Variants in GRM7 observed in about 807,000 individuals in gnomAD.
The protein encoded by GRM7 is glutamate metabotropic receptor 7.
Under a neutral mutation model 84.5 loss-of-function variants are expected in GRM7, and 35 were observed. The ratio of observed to expected loss-of-function variants is 0.41; its 90% CI spans 0.32 to 0.55. The LOEUF (loss-of-function observed/expected upper bound fraction) is 0.55, where lower values mean the gene tolerates loss of function less well. Among genes scored for constraint, GRM7 ranks in the 20% least tolerant of loss-of-function variants. The pLI, the probability that GRM7 is intolerant of heterozygous loss-of-function variation, is 0.19. For synonymous variants in GRM7, 487 were observed against 455.1 expected, an observed-to-expected ratio of 1.07 and a Z score of -0.89; for missense variants, 1,003 against 1,194.6, an observed-to-expected ratio of 0.84 and a Z score of 2.36.
At chr3:7,489,848 C>T (rs973217883) in intron 7 of GRM7, among the ~76,000 whole-genome samples, 1 of 151,642 alleles carries the variant, frequency 6.6e-6, no homozygotes. Context: ...CAGCAGAAAA[C>T]AGCATATTAT....
chr3:7,714,183 A>G (rs1445728926), intron 9 of GRM7, among the ~76,000 whole-genome samples: 2 of 152,180 alleles, frequency 1.3e-5, no homozygotes, highest in African/African-American at 4.8e-5. Context: ...ATTAACCTGA[A>G]GGCTTTATTA....
chr3:7,059,425 A>AT (rs1350589213), intron 1 of GRM7, among the ~76,000 whole-genome samples: 1 of 151,808 alleles, frequency 6.6e-6, no homozygotes, highest in African/African-American at 2.4e-5. Flanking sequence ...AAAAGTTTCT[A>AT]TTCAATACTT....
At chr3:7,681,612 G>A (rs993247794) in intron 9 of GRM7, 1 of 152,196 alleles carries the variant, frequency 6.6e-6, no homozygotes, top group African/African-American at 2.4e-5. Context: ...TGAGAAGGGA[G>A]GAACAGAATG....
chr3:7,562,600 G>C (rs1301124625), intron 7 of GRM7, among the ~76,000 whole-genome samples: 1 of 152,062 alleles, frequency 6.6e-6, no homozygotes, highest in Admixed American at 6.6e-5. Context: ...GTTGATGCTA[G>C]AATCCCAACC....
chr3:7,416,476 G>A (rs1345668431), intron 5 of GRM7, among the ~76,000 whole-genome samples: 1 of 152,118 alleles, frequency 6.6e-6, no homozygotes, highest in Non-Finnish European at 1.5e-5. Flanking sequence ...TCACCCACAT[G>A]TTGTAGATTA....
chr3:7,250,597 C>T (rs1697946658), intron 2 of GRM7, among the ~76,000 whole-genome samples: 1 of 140,178 alleles, frequency 7.1e-6, no homozygotes, highest in African/African-American at 2.7e-5. Context: ...GATCTTGGCT[C>T]ACTGTAACCG....
intron 1 of GRM7, among the ~76,000 whole-genome samples, chr3:7,100,623 G>T (rs1053846260): frequency 1.6e-4 from 24 of 151,622 alleles, no homozygotes; most frequent in Non-Finnish European, 3.4e-4. Flanking sequence ...TTGGAAATGC[G>T]ACTTTTCTTA....
intron 4 of GRM7, among the ~76,000 whole-genome samples, chr3:7,411,570 G>A (rs1695937678): frequency 6.6e-6 from 1 of 152,126 alleles, no homozygotes. Context: ...ATTAAACAAT[G>A]TGGCTTATTT....
At chr3:7,316,168 G>A (rs936942237) in intron 4 of GRM7, among the ~76,000 whole-genome samples, 10 of 152,066 alleles carry the variant, frequency 6.6e-5, no homozygotes, top group South Asian at 4.2e-4. Context: ...CTGGTGAGCC[G>A]GAGCACAGTG....
chr3:7,465,560 T>G (rs1387313086), intron 7 of GRM7, among the ~76,000 whole-genome samples: 3 of 152,292 alleles, frequency 2.0e-5, no homozygotes, highest in African/African-American at 7.2e-5. Context: ...GAAGTTCCTT[T>G]TGCTGTAATT....
intron 7 of GRM7, chr3:7,535,105 GTCTTTT>G (rs1701192759): frequency 6.6e-6 from 1 of 152,078 alleles, no homozygotes; most frequent in Non-Finnish European, 1.5e-5. Flanking sequence ...CTTCCTATGT[GTCTTTT>G]TAAAGTGGGA....
intron 1 of GRM7, among the ~76,000 whole-genome samples, chr3:6,963,999 A>G (rs948890866): frequency 6.6e-6 from 1 of 152,192 alleles, no homozygotes; most frequent in Non-Finnish European, 1.5e-5. Context: ...AAGACCATCT[A>G]CATTTGCTGC....
rs147814903 is a variant in GRM7 at position 7,188,785 on chromosome 3, C to T, written c.736+42117C>T. ...CAATTTTGAGATTCAGCCTCCTTTCCTCCTGTGGCCCTGATATTCTGTAGT... is the reference window on the plus strand; with the variant it reads ...CAATTTTGAGATTCAGCCTCCTTTCTTCCTGTGGCCCTGATATTCTGTAGT... On this transcript the variant is annotated intron_variant, in intron 2 of 9. Coordinates refer to ENST00000357716, the MANE Select transcript of GRM7 (RefSeq NM_000844.4). The surrounding 1 kb of genome is among the most constrained non-coding windows in gnomAD (Gnocchi z 4.2). Among the ~76,000 whole-genome samples the T allele has an allele frequency of 7.5e-3, 1,137 of 152,282 alleles. 7 individuals are homozygous for T. The highest frequency in any genetic ancestry group is 0.041 in the Middle Eastern group (12 of 294).
At chr3:7,677,425 G>A (rs1700179959) in intron 8 of GRM7, among the ~76,000 whole-genome samples, 1 of 152,060 alleles carries the variant, frequency 6.6e-6, no homozygotes, top group Non-Finnish European at 1.5e-5. Context: ...AGATACCGAA[G>A]CTGAGGAGAA....
At chr3:6,894,664 G>A (rs76174865) in intron 1 of GRM7, among the ~76,000 whole-genome samples, 2,106 of 152,172 alleles carry the variant, frequency 0.014, 48 homozygotes, top group African/African-American at 0.049. Flanking sequence ...TGCATCCTCA[G>A]AGCAGGTTTT....
intron 8 of GRM7, among the ~76,000 whole-genome samples, chr3:7,662,640 C>T (rs74869139): frequency 4.0e-4 from 61 of 152,112 alleles, no homozygotes; most frequent in African/African-American, 1.2e-3. Context: ...TCTTAGGTGA[C>T]GCTTACAGAA....
At chr3:7,631,483 C>T (rs1410558719) in intron 8 of GRM7, among the ~76,000 whole-genome samples, 2 of 152,188 alleles carry the variant, frequency 1.3e-5, no homozygotes, top group East Asian at 3.9e-4. Context: ...ATCCCATTCA[C>T]TCATTCATTC....
At chr3:7,065,292 A>G (rs1162055810) in intron 1 of GRM7, among the ~76,000 whole-genome samples, 2 of 151,844 alleles carry the variant, frequency 1.3e-5, no homozygotes, top group Non-Finnish European at 2.9e-5. Flanking sequence ...GGTTTTTTCA[A>G]TGTTATCTTC....
chr3:7,452,692 C>T lies in GRM7; in HGVS notation c.1260C>T (p.His420=), dbSNP rs369533386. 2.9e-5 allele frequency: 46 copies of T among 1,612,460 alleles called. No homozygotes were observed. The African/African-American group carries it at 3.6e-4, about 13-fold the overall frequency. ...FVIDAVYAMA[H]ALHHMNKDLC... ...TTGACGCAGTCTATGCTATGGCTCA[C>T]GCCCTTCACCACATGAACAAGGATC... Residue 420 remains histidine, a synonymous_variant, in exon 6 of 10, where the codon CAC becomes CAT. Transcript: ENST00000357716.
Sources: gnomAD v4.1 joint callset for allele counts (sites outside exome capture counted in the v4.1 genomes callset) on GRCh38, gnomAD v4.1.1 for gene constraint, Gnocchi (gnomAD v3.1) non-coding constraint, MANE v1.5 for transcripts, NCBI Gene and HGNC (gene_info 2026-07-23, HGNC 2026-07-21) for gene names.